The following DMXL2 variants were observed in gnomAD, a reference collection of about 807,000 sequenced individuals.
DMXL2 encodes Dmx like 2.
In DMXL2, 103 loss-of-function variants were observed where a neutral mutation model predicts 331.1. The ratio of observed to expected loss-of-function variants is 0.31; its 90% CI spans 0.27 to 0.37. The LOEUF (loss-of-function observed/expected upper bound fraction) is 0.37, where lower values mean the gene tolerates loss of function less well. Ranked by LOEUF, DMXL2 falls within the 10% of genes least tolerant of loss-of-function variation. The pLI, the probability that DMXL2 is intolerant of heterozygous loss-of-function variation, is 1.00. For missense variants in DMXL2, 3,171 were observed against 3,642.9 expected, an observed-to-expected ratio of 0.87 and a Z score of 3.33; for synonymous variants, 1,281 against 1,252.1, an observed-to-expected ratio of 1.02 and a Z score of -0.49.
chr15:51,602,276 G>A (rs752413270), intron 1 of DMXL2, among the ~76,000 whole-genome samples: 28 of 152,108 alleles, frequency 1.8e-4, no homozygotes, highest in Non-Finnish European at 3.5e-4. Context: ...CAAGGAATGG[G>A]AAAGGAGACT....
chr15:51,610,507 G>A (rs182773525), intron 1 of DMXL2, among the ~76,000 whole-genome samples: 212 of 152,256 alleles, frequency 1.4e-3, no homozygotes, highest in African/African-American at 4.9e-3. Flanking sequence ...GGTGGCTCAC[G>A]CCTGTAATCC....
At chr15:51,585,591 T>C (rs1180496348) in intron 1 of DMXL2, among the ~76,000 whole-genome samples, 1 of 152,184 alleles carries the variant, frequency 6.6e-6, no homozygotes, top group African/African-American at 2.4e-5. Flanking sequence ...TTCTAAGATA[T>C]AATATGCTGG....
At position 51,553,591 on chromosome 15, in the gene DMXL2, C is replaced by G. The variant is rs577973123; in HGVS notation, c.568-6183G>C. ...TTTCTTCTGCCTCTGCCACCCAAGA[C>G]AGCAAGACCAACCCCTCCTCTTCTT... On this transcript the variant is annotated intron_variant, in intron 6 of 43. Transcript: ENST00000560891. Among the ~76,000 whole-genome samples the G allele has an allele frequency of 2.6e-5, 4 of 152,316 alleles. No homozygotes were observed. The South Asian group carries it at 6.2e-4, about 24-fold the overall frequency.
At chr15:51,546,265 G>C (rs560376751) in intron 7 of DMXL2, among the ~76,000 whole-genome samples, 1 of 151,858 alleles carries the variant, frequency 6.6e-6, no homozygotes, top group Non-Finnish European at 1.5e-5. Context: ...AGCAAAAACG[G>C]CATGGCATGG....
chr15:51,524,470 T>A (rs1339721537), intron 13 of DMXL2, among the ~76,000 whole-genome samples: 3 of 152,100 alleles, frequency 2.0e-5, no homozygotes, highest in East Asian at 3.9e-4. Flanking sequence ...CAGTACCCAG[T>A]TTTAACTTCA....
chr15:51,579,138 A>T (rs1263727138), intron 1 of DMXL2, among the ~76,000 whole-genome samples: 5 of 152,166 alleles, frequency 3.3e-5, no homozygotes, highest in Non-Finnish European at 7.4e-5. Context: ...TTTAAAGACC[A>T]CTGGTTTAGA....
intron 6 of DMXL2, among the ~76,000 whole-genome samples, chr15:51,558,705 G>C (rs1350594043): frequency 2.0e-5 from 3 of 152,122 alleles, no homozygotes; most frequent in African/African-American, 7.2e-5. Context: ...TCTACAACTA[G>C]AGATCAACCC....
chr15:51,464,972 G>T, intron 31 of DMXL2, 96 bp from the exon 32 acceptor site: 2 of 1,092,770 alleles, frequency 1.8e-6, no homozygotes, highest in Non-Finnish European at 2.6e-6. Context: ...TAATACTTCT[G>T]AAAATACAAA....
At chr15:51,469,742 T>C (rs1390656048) in intron 29 of DMXL2, among the ~76,000 whole-genome samples, 1 of 152,194 alleles carries the variant, frequency 6.6e-6, no homozygotes, top group Non-Finnish European at 1.5e-5. Context: ...TCGTGGCAAA[T>C]AAAAATTTTA....
At chr15:51,552,113 T>A (rs1299888740) in intron 6 of DMXL2, among the ~76,000 whole-genome samples, 1 of 152,174 alleles carries the variant, frequency 6.6e-6, no homozygotes. Context: ...ATTCAAGGCC[T>A]TGAAAGGACA....
intron 38 of DMXL2, 56 bp downstream of exon 38, chr15:51,456,251 TTC>T: frequency 6.9e-6 from 11 of 1,600,386 alleles, no homozygotes; most frequent in Non-Finnish European, 9.4e-6. Flanking sequence ...ATATTTTCTA[TTC>T]TATAAATCAA....
intron 15 of DMXL2, among the ~76,000 whole-genome samples, chr15:51,512,045 G>T (rs1212927896): frequency 6.6e-6 from 1 of 152,070 alleles, no homozygotes; most frequent in East Asian, 1.9e-4. Flanking sequence ...CTGTTGGGGG[G>T]TGGGGGGCTA....
At chr15:51,462,356 A>T (rs1216738545) in intron 33 of DMXL2, among the ~76,000 whole-genome samples, 1 of 151,882 alleles carries the variant, frequency 6.6e-6, no homozygotes, top group African/African-American at 2.4e-5. Context: ...TTTTTTTGAG[A>T]CAGAGTTTCG....
intron 15 of DMXL2, among the ~76,000 whole-genome samples, chr15:51,513,514 G>C (rs967543018): frequency 1.3e-5 from 2 of 152,178 alleles, no homozygotes; most frequent in Non-Finnish European, 2.9e-5. Flanking sequence ...GTGAAAAGAT[G>C]TTTGAGCTAA....
In DMXL2 at chr15:51,465,617, C is replaced by T. The variant is rs1240195247; in HGVS notation, c.7555G>A (p.Ala2519Thr). The T allele has an allele frequency of 2.5e-5, 40 of 1,606,770 alleles. No individual in the cohort carries two copies. Among genetic ancestry groups the T allele is most frequent in the Middle Eastern group, 1.6e-4 (1 of 6,070 alleles). Residue 2519 changes from alanine (A) to threonine (T), a missense_variant, in exon 31 of 44, where the codon GCA becomes ACA. Physicochemically the swap from Ala to Thr is moderately conservative, Grantham distance 58 (BLOSUM62 0). Around this residue, in one of 7 missense-constraint regions of DMXL2, gnomAD observed 766 missense variants for 940.5 expected, o/e 0.81. Coordinates refer to ENST00000560891, the MANE Select transcript of DMXL2 (RefSeq NM_001378457.1). ...ALLHLTMVKL[A>T]LHNVKNFFPI... ...AAGAAATTCTTGACATTGTGAAGTG[C>T]TAGTTTAACCATTGTCAAATGTAGA...
chr15:51,548,335 G>GT (rs1406815132), intron 6 of DMXL2, among the ~76,000 whole-genome samples: 2 of 151,902 alleles, frequency 1.3e-5, no homozygotes, highest in Admixed American at 6.6e-5. Flanking sequence ...AAACAATTCT[G>GT]TTTTTTTCAT....
intron 1 of DMXL2, among the ~76,000 whole-genome samples, chr15:51,594,827 C>G (rs1301126209): frequency 6.6e-6 from 1 of 152,192 alleles, no homozygotes; most frequent in Non-Finnish European, 1.5e-5. Flanking sequence ...ATGATTATCT[C>G]AAGAGACGCA....
chr15:51,505,893 T>C (rs2046368724), intron 16 of DMXL2, among the ~76,000 whole-genome samples: 1 of 152,188 alleles, frequency 6.6e-6, no homozygotes, highest in South Asian at 2.1e-4. Context: ...GTGATATGGC[T>C]ATCCATGCAG....
intron 41 of DMXL2, 179 bp downstream of exon 41, chr15:51,453,371 T>A: frequency 2.1e-6 from 1 of 473,988 alleles, no homozygotes; most frequent in East Asian, 3.6e-5. Context: ...TAGGAATAAC[T>A]TTCATTTTTG....
Sources: allele counts gnomAD v4.1 joint callset (sites outside exome capture counted in the v4.1 genomes callset), GRCh38; gene constraint gnomAD v4.1.1; regional missense constraint gnomAD v4.1.1; transcripts MANE v1.5; gene names NCBI Gene and HGNC (gene_info 2026-07-23, HGNC 2026-07-21).